The following TENM2 variants were observed in gnomAD, a reference collection of about 807,000 sequenced individuals.
The protein encoded by TENM2 is teneurin-2.
Under a neutral mutation model 245.2 loss-of-function variants are expected in TENM2, and 52 were observed. The ratio of observed to expected loss-of-function variants is 0.21; its 90% CI spans 0.17 to 0.27. TENM2 has a LOEUF of 0.27. Ranked by LOEUF, TENM2 falls within the 10% of genes least tolerant of loss-of-function variation. TENM2 has a pLI of 1.00. For missense variants in TENM2, 3,046 were observed against 3,666.8 expected (o/e 0.83, Z 4.37); for synonymous variants, 1,363 against 1,438.9 (o/e 0.95, Z 1.19).
intron 2 of TENM2, among the ~76,000 whole-genome samples, chr5:167,741,651 T>C (rs1761182248): frequency 6.6e-6 from 1 of 152,180 alleles, no homozygotes; most frequent in Non-Finnish European, 1.5e-5. Context: ...CTTCAACATA[T>C]TGAAAAATCA....
intron 2 of TENM2, among the ~76,000 whole-genome samples, chr5:167,412,977 G>A (rs1186187975): frequency 6.6e-6 from 1 of 152,008 alleles, no homozygotes; most frequent in Non-Finnish European, 1.5e-5. Context: ...CCTGCCAAAT[G>A]TTAATCCCTT....
At chr5:167,240,252 G>A in the TENM2 span, among the ~76,000 whole-genome samples, 1 of 151,394 alleles carries the variant, frequency 6.6e-6, no homozygotes, top group Non-Finnish European at 1.5e-5. Flanking sequence ...GACTTTGGTA[G>A]GTGGCCTTTT....
At position 167,431,970 on chromosome 5, in the gene TENM2, T is replaced by TATATATACACAC. The variant is rs1554150947; in HGVS notation, c.502+56504_502+56505insCACACATATATA. 1.6e-4 allele frequency among the ~76,000 whole-genome samples: 22 copies of TATATATACACAC among 135,492 alleles called. 1 individual carries two copies. The highest frequency in any genetic ancestry group is 3.0e-4 in the Admixed American group (4 of 13,322). The allele number at this position is 135,492 out of a possible 152,430, so 88.9% of individuals were successfully genotyped here. On this transcript the variant is annotated intron_variant, in intron 2 of 28. Coordinates refer to ENST00000518659, the Ensembl canonical transcript of TENM2. ...ATATGTATATATATATGTATATATA[T>TATATATACACAC]ATATATATGGAAGTTCAATGCTTTC...
At chr5:168,260,543 A>G in intron 28 of TENM2, 130 bp downstream of exon 30, 3 of 1,033,698 alleles carry the variant, frequency 2.9e-6, no homozygotes, top group African/African-American at 1.6e-5. Context: ...TGCAGGACAC[A>G]TTGAGACTTC....
intron 2 of TENM2, among the ~76,000 whole-genome samples, chr5:167,728,027 A>C (rs916130805): frequency 6.6e-6 from 1 of 152,212 alleles, no homozygotes; most frequent in Non-Finnish European, 1.5e-5. Flanking sequence ...TCTGGCCCCA[A>C]GTAACATGCC....
chr5:167,199,097 TAAAAAA>T, the TENM2 span, among the ~76,000 whole-genome samples: 1 of 79,318 alleles, frequency 1.3e-5, no homozygotes, highest in Non-Finnish European at 2.6e-5. Context: ...TGATATGAAG[TAAAAAA>T]AAAAAAAAAA....
chr5:167,894,370 C>A (rs1299222291), intron 3 of TENM2, among the ~76,000 whole-genome samples: 1 of 152,168 alleles, frequency 6.6e-6, no homozygotes, highest in Non-Finnish European at 1.5e-5. Flanking sequence ...GAATAAAACC[C>A]AGATCGTTTA....
intron 2 of TENM2, among the ~76,000 whole-genome samples, chr5:167,777,649 TA>T (rs1373790218): frequency 6.6e-6 from 1 of 152,214 alleles, no homozygotes; most frequent in African/African-American, 2.4e-5. Flanking sequence ...TAACAGTGCC[TA>T]ACAGCCAGGG....
intron 12 of TENM2, among the ~76,000 whole-genome samples, chr5:168,142,927 C>T (rs1227449168): frequency 6.6e-6 from 1 of 152,234 alleles, no homozygotes; most frequent in Non-Finnish European, 1.5e-5. Context: ...ACCCACCTTT[C>T]ACTGCCCAAG....
At chr5:167,606,953 G>A (rs1777098114) in intron 2 of TENM2, among the ~76,000 whole-genome samples, 1 of 152,082 alleles carries the variant, frequency 6.6e-6, no homozygotes, top group African/African-American at 2.4e-5. Flanking sequence ...ATATATCAGC[G>A]CTTTAAAGAC....
chr5:167,724,159 G>A (rs1022464247), intron 2 of TENM2, among the ~76,000 whole-genome samples: 1 of 152,106 alleles, frequency 6.6e-6, no homozygotes, highest in East Asian at 1.9e-4. Context: ...GTACAATATT[G>A]GTAAATACTA....
At chr5:167,136,853 TTA>T in the TENM2 span, among the ~76,000 whole-genome samples, 2 of 152,184 alleles carry the variant, frequency 1.3e-5, no homozygotes, top group Admixed American at 1.3e-4. Flanking sequence ...GTTGAATATT[TTA>T]TATGTTTCTC....
At chr5:168,215,961 T>G (rs1763156718) in intron 21 of TENM2, among the ~76,000 whole-genome samples, 1 of 152,240 alleles carries the variant, frequency 6.6e-6, no homozygotes, top group African/African-American at 2.4e-5. Context: ...TAAATGGTAG[T>G]AATTAAGAAT....
chr5:168,198,767 C>A (rs1761681934), intron 15 of TENM2, 86 bp from the exon 18 acceptor site: 8 of 1,502,596 alleles, frequency 5.3e-6, no homozygotes, highest in Admixed American at 1.8e-5. Flanking sequence ...CTGCCCATCG[C>A]ATGGCCATCA....
In TENM2 at chr5:167,695,052, G is replaced by A. The variant is rs144523005; in HGVS notation, c.503-180934G>A. Among the ~76,000 whole-genome samples the A allele has an allele frequency of 2.0e-5, 3 of 152,286 alleles. 1 individual carries two copies. Among genetic ancestry groups the A allele is most frequent in the Non-Finnish European group, 4.4e-5 (3 of 68,030 alleles). ...TTCCCAATGGGGTAAATATGTCTCT[G>A]AAGCTTTATTCCTCCTTTGTGGGAA... On this transcript the variant is annotated intron_variant, in intron 2 of 28. Coordinates refer to ENST00000518659, the Ensembl canonical transcript of TENM2.
chr5:168,114,039 G>A (rs945617234), intron 9 of TENM2, among the ~76,000 whole-genome samples: 2 of 152,206 alleles, frequency 1.3e-5, no homozygotes, highest in South Asian at 2.1e-4. Context: ...TAGTGTTTGT[G>A]TGTGCGTGTT....
chr5:167,159,993 A>G, the TENM2 span, among the ~76,000 whole-genome samples: 3 of 152,208 alleles, frequency 2.0e-5, no homozygotes, highest in South Asian at 6.2e-4. Flanking sequence ...GTGGAAGTCA[A>G]TCCAGACATA....
chr5:167,450,805 CTG>C (rs1765528930), intron 2 of TENM2, among the ~76,000 whole-genome samples: 1 of 152,124 alleles, frequency 6.6e-6, no homozygotes, highest in African/African-American at 2.4e-5. Context: ...GACTTTCACT[CTG>C]TGCTACATTA....
chr5:167,931,731 CTGCTAAT>C (rs1313647931), intron 3 of TENM2, among the ~76,000 whole-genome samples: 1 of 152,184 alleles, frequency 6.6e-6, no homozygotes, highest in Non-Finnish European at 1.5e-5. Flanking sequence ...ATAATATATA[CTGCTAAT>C]TGCTTCAGAA....
Sources: allele counts gnomAD v4.1 joint callset (sites outside exome capture counted in the v4.1 genomes callset), GRCh38; gene constraint gnomAD v4.1.1; transcripts MANE v1.5; gene names NCBI Gene and HGNC (gene_info 2026-07-23, HGNC 2026-07-21).